DNAH8: variants seen among roughly 807,000 people sequenced by gnomAD.
DNAH8 encodes the protein dynein axonemal heavy chain 8.
DNAH8 carries 382 observed loss-of-function variants against 562.1 expected under a neutral mutation model. That is an observed-to-expected ratio of 0.68 (90% CI 0.63 to 0.74). DNAH8 has a LOEUF of 0.74. Among genes scored for constraint, DNAH8 ranks in the 30% least tolerant of loss-of-function variants. The pLI, the probability that DNAH8 is intolerant of heterozygous loss-of-function variation, is 0.00. For synonymous variants in DNAH8, 1,881 were observed against 1,919.4 expected (o/e 0.98, Z 0.52); for missense variants, 5,203 against 5,620.4 (o/e 0.93, Z 2.37).
At chr6:39,027,347 G>T (rs558962545) in intron 92 of DNAH8, among the ~76,000 whole-genome samples, 1 of 152,346 alleles carries the variant, frequency 6.6e-6, no homozygotes, top group Non-Finnish European at 1.5e-5. Flanking sequence ...AGAGATGAAG[G>T]GGACTAGCAG....
chr6:38,841,095 G>C (rs780658189), intron 33 of DNAH8, among the ~76,000 whole-genome samples: 51 of 152,154 alleles, frequency 3.4e-4, no homozygotes, highest in Non-Finnish European at 5.0e-4. Flanking sequence ...TCTTAGATTT[G>C]TAAAATCTAC....
chr6:38,860,175 A>G (rs375482631), intron 42 of DNAH8, among the ~76,000 whole-genome samples: 19 of 152,172 alleles, frequency 1.2e-4, no homozygotes, highest in African/African-American at 4.6e-4. Context: ...CTCCTGCTCC[A>G]TATATTCATG....
intron 85 of DNAH8, among the ~76,000 whole-genome samples, chr6:38,978,321 C>T (rs1763807743): frequency 6.6e-6 from 1 of 152,260 alleles, no homozygotes; most frequent in African/African-American, 2.4e-5. Flanking sequence ...TCACTATTAA[C>T]AGTTCTTCAT....
intron 60 of DNAH8, among the ~76,000 whole-genome samples, chr6:38,897,665 C>G (rs890641415): frequency 6.6e-6 from 1 of 151,926 alleles, no homozygotes; most frequent in Non-Finnish European, 1.5e-5. Context: ...CTGTAATACC[C>G]GCGACTTGGG....
At chr6:38,770,881 T>C (rs909018827) in intron 12 of DNAH8, among the ~76,000 whole-genome samples, 4 of 152,188 alleles carry the variant, frequency 2.6e-5, no homozygotes, top group African/African-American at 9.6e-5. Context: ...TGAGATGAAA[T>C]ACCTGCAATG....
At chr6:38,994,562 A>G (rs1422124021) in intron 88 of DNAH8, among the ~76,000 whole-genome samples, 1 of 150,008 alleles carries the variant, frequency 6.7e-6, no homozygotes, top group African/African-American at 2.5e-5. Flanking sequence ...TTTATCCATT[A>G]GGAATTTACC....
At chr6:38,969,244 C>T (rs1188727627) in intron 82 of DNAH8, among the ~76,000 whole-genome samples, 1 of 152,038 alleles carries the variant, frequency 6.6e-6, no homozygotes, top group Non-Finnish European at 1.5e-5. Flanking sequence ...AAAGTATACA[C>T]TTTATAATGA....
In DNAH8 at chr6:38,848,633, G is replaced by A. The variant is rs764312738; in HGVS notation, c.5046-15G>A. On this transcript the variant is annotated splice_polypyrimidine_tract_variant and intron_variant, in intron 36 of 92. Transcript: ENST00000327475. ...TCTTCTTTGAAATGTGATTTTTTCC[G>A]TTCTTACCTTTTAGATACAATGCTC... 49 of 1,596,310 alleles carry A rather than the reference G, an allele frequency of 3.1e-5. No homozygotes were observed. The highest frequency in any genetic ancestry group is 1.2e-4 in the Admixed American group (7 of 58,858).
At chr6:39,020,463 T>A (rs1766840657) in intron 91 of DNAH8, among the ~76,000 whole-genome samples, 1 of 152,218 alleles carries the variant, frequency 6.6e-6, no homozygotes, top group African/African-American at 2.4e-5. Flanking sequence ...AGAACAAGTA[T>A]ATCAGAATCT....
intron 9 of DNAH8, among the ~76,000 whole-genome samples, chr6:38,754,492 C>T (rs1026400550): frequency 4.6e-5 from 7 of 152,106 alleles, no homozygotes; most frequent in African/African-American, 1.7e-4. Flanking sequence ...AGTTATACCC[C>T]ACACCTAGGA....
intron 53 of DNAH8, among the ~76,000 whole-genome samples, chr6:38,877,048 T>C (rs905960426): frequency 1.3e-5 from 2 of 152,192 alleles, no homozygotes; most frequent in African/African-American, 4.8e-5. Flanking sequence ...AATCTAGATA[T>C]GCACTCCCTT....
At chr6:38,725,256 C>G (rs1406149278) in intron 3 of DNAH8, among the ~76,000 whole-genome samples, 4 of 150,016 alleles carry the variant, frequency 2.7e-5, no homozygotes, top group African/African-American at 9.8e-5. Flanking sequence ...TGAGCCGAGA[C>G]TGTACCACTG....
chr6:38,853,663 T>C (rs992907637), intron 41 of DNAH8, among the ~76,000 whole-genome samples: 1 of 151,646 alleles, frequency 6.6e-6, no homozygotes, highest in Non-Finnish European at 1.5e-5. Context: ...ACTCCTCGAC[T>C]TATGATGGGA....
At chr6:38,735,142 C>T (rs945255610) in intron 5 of DNAH8, among the ~76,000 whole-genome samples, 1 of 152,110 alleles carries the variant, frequency 6.6e-6, no homozygotes, top group Non-Finnish European at 1.5e-5. Context: ...TAGATCTCTA[C>T]GTTCTTAAAT....
At chr6:38,732,183 T>G (rs1763709273) in intron 4 of DNAH8, among the ~76,000 whole-genome samples, 1 of 152,244 alleles carries the variant, frequency 6.6e-6, no homozygotes, top group Non-Finnish European at 1.5e-5. Context: ...AAAAATTCGT[T>G]ATAGTATAAC....
At position 38,777,773 on chromosome 6, in the gene DNAH8, G is replaced by A. The variant is rs149826891; in HGVS notation, c.1963-615G>A. ...AAAGAACATTTTCTACTTCTTGTAC[G>A]TCCTTAGCAGTGGCAAAGAGGTTTC... On this transcript the variant is annotated intron_variant, in intron 13 of 92. Coordinates refer to ENST00000327475, the MANE Select transcript of DNAH8 (RefSeq NM_001206927.2). Among the ~76,000 whole-genome samples, 698 of 152,248 alleles carry A rather than the reference G, an allele frequency of 4.6e-3. 6 individuals are homozygous for A. Among genetic ancestry groups the A allele is most frequent in the Middle Eastern group, 0.01 (3 of 294 alleles).
intron 82 of DNAH8, among the ~76,000 whole-genome samples, chr6:38,953,681 G>A (rs1025578941): frequency 6.6e-6 from 1 of 152,104 alleles, no homozygotes; most frequent in African/African-American, 2.4e-5. Flanking sequence ...TGCTGCTTTG[G>A]GTTGAAAGTC....
At chr6:38,752,837 G>A (rs1765579648) in intron 9 of DNAH8, among the ~76,000 whole-genome samples, 1 of 152,186 alleles carries the variant, frequency 6.6e-6, no homozygotes, top group African/African-American at 2.4e-5. Flanking sequence ...GGGACAGGAA[G>A]ACTTTAGAAG....
intron 61 of DNAH8, among the ~76,000 whole-genome samples, chr6:38,899,494 G>A (rs1342322890): frequency 1.3e-5 from 2 of 152,182 alleles, no homozygotes; most frequent in East Asian, 1.9e-4. Context: ...TTCTACATGC[G>A]TGCACACGCA....
Sources: gnomAD v4.1 joint callset for allele counts (sites outside exome capture counted in the v4.1 genomes callset) on GRCh38, gnomAD v4.1.1 for gene constraint, MANE v1.5 for transcripts, NCBI Gene and HGNC (gene_info 2026-07-23, HGNC 2026-07-21) for gene names.